The following UBXN2A variants were observed in gnomAD, a reference collection of about 807,000 sequenced individuals.
UBXN2A encodes the protein UBX domain-containing protein 2A.
In UBXN2A, 28 loss-of-function variants were observed where a neutral mutation model predicts 28.4. That is an observed-to-expected ratio of 0.99 (90% CI 0.73 to 1.35). The LOEUF (loss-of-function observed/expected upper bound fraction) is 1.35. Among genes scored for constraint, UBXN2A ranks in the 40% most tolerant of loss-of-function variants. The pLI, the probability that UBXN2A is intolerant of heterozygous loss-of-function variation, is 0.00. For synonymous variants in UBXN2A, 97 were observed against 103.6 expected (o/e 0.94, Z 0.39); for missense variants, 253 against 297.9 (o/e 0.85, Z 1.11).
Position 23,999,934 on chromosome 2 carries a change from T to G in UBXN2A, c.*67T>G, listed in dbSNP as rs1462233068. The G allele has an allele frequency of 7.8e-6, 12 of 1,530,376 alleles. No homozygotes were observed. Among genetic ancestry groups the G allele is most frequent in the Non-Finnish European group, 1.1e-5 (12 of 1,124,546 alleles). The allele number at this position is 1,530,376 out of a possible 1,614,324, so 94.8% of individuals were successfully genotyped here. A position where few individuals can be genotyped will look rare whatever the true frequency, so the allele number is the denominator to read the frequency against. ...TTGTAAGTGGACATGCAAACCAAAA[T>G]TGGGGATTGGAGAAGTCAGACTCAC... On this transcript the variant is annotated 3_prime_UTR_variant, in exon 7 of 7. Transcript: ENST00000309033.
chr2:24,000,084 A>G lies in UBXN2A; in HGVS notation c.*217A>G. 1 of 497,008 alleles carries G rather than the reference A, an allele frequency of 2.0e-6. No individual in the cohort carries two copies. 30.8% of individuals were successfully genotyped at this position (497,008 alleles called of 1,614,324 possible). ...GTGCACTTTCTCCAAAAGACTACCC[A>G]GAAAAATAGACTTATTTTCAAATAC... On this transcript the variant is annotated 3_prime_UTR_variant, in exon 7 of 7. Coordinates refer to ENST00000309033, the MANE Select transcript of UBXN2A (RefSeq NM_181713.4).
intron 1 of UBXN2A, chr2:23,944,356 C>A (rs1236603962): frequency 6.5e-7 from 1 of 1,533,656 alleles, no homozygotes; most frequent in Non-Finnish European, 9.0e-7. Flanking sequence ...GTGTGAAGAA[C>A]TGAGGTGACC....
chr2:23,966,652 C>A (rs1038582190), intron 2 of UBXN2A, among the ~76,000 whole-genome samples: 1 of 149,434 alleles, frequency 6.7e-6, no homozygotes, highest in Non-Finnish European at 1.5e-5. Flanking sequence ...GGGGTTTCAC[C>A]GTGTTAGCCA....
chr2:23,971,403 C>A lies in UBXN2A; in HGVS notation c.169C>A (p.Gln57Lys). The change falls in exon 3 of 7, where the codon CAG becomes AAG. Residue 57 changes from glutamine to lysine, a missense_variant. Physicochemically the swap from Gln to Lys is moderately conservative, Grantham distance 53. Coordinates refer to ENST00000309033, the MANE Select transcript of UBXN2A (RefSeq NM_181713.4). ...VSSKCVSPAEQKKQVDVNIKL... is the reference protein window; with the variant it reads ...VSSKCVSPAEKKKQVDVNIKL... ...TTCCAAATGTGTGTCTCCCGCTGAACAGAAGAAACAGGTAAATAAATGTCT... is the reference window on the plus strand; with the variant it reads ...TTCCAAATGTGTGTCTCCCGCTGAAAAGAAGAAACAGGTAAATAAATGTCT... 1 of 1,540,080 alleles carries A rather than the reference C, an allele frequency of 6.5e-7. No homozygotes were observed. Among genetic ancestry groups the A allele is most frequent in the Admixed American group, 1.8e-5 (1 of 55,660 alleles).
At chr2:23,949,505 G>A (rs2150814315) in intron 1 of UBXN2A, among the ~76,000 whole-genome samples, 1 of 151,984 alleles carries the variant, frequency 6.6e-6, no homozygotes, top group African/African-American at 2.4e-5. Context: ...CCAGGAGGTA[G>A]AGGTTGCACT....
Position 23,930,731 on chromosome 2 carries a change from A to G in UBXN2A, c.-138+3116A>G, listed in dbSNP as rs944701822. Among the ~76,000 whole-genome samples the G allele has an allele frequency of 4.6e-5, 7 of 152,186 alleles. No homozygotes were observed. The South Asian group carries it at 1.2e-3, about 27-fold the overall frequency. On this transcript the variant is annotated intron_variant, in intron 1 of 7. Coordinates refer to the UBXN2A transcript ENST00000404924. ...AAATAAAATTTTAAAAAAGAGAAAG[A>G]AAAAGGGCTGGTTGCAGTGGCTCAT...
chr2:23,973,424 C>T (rs1439120965), intron 3 of UBXN2A, among the ~76,000 whole-genome samples: 5 of 147,006 alleles, frequency 3.4e-5, no homozygotes, highest in Non-Finnish European at 6.0e-5. Flanking sequence ...CTGTAAGCTC[C>T]GCCTCCCAGG....
intron 4 of UBXN2A, among the ~76,000 whole-genome samples, chr2:23,977,872 C>G (rs1035768930): frequency 2.0e-5 from 3 of 152,004 alleles, no homozygotes; most frequent in African/African-American, 7.3e-5. Flanking sequence ...TGCTCTTTTG[C>G]TCAGGCTGGA....
intron 1 of UBXN2A, among the ~76,000 whole-genome samples, chr2:23,928,378 C>T (rs2150776270): frequency 6.6e-6 from 1 of 152,000 alleles, no homozygotes; most frequent in Non-Finnish European, 1.5e-5. Flanking sequence ...GAGTTCGAGA[C>T]CAACCTGGCC....
Position 24,000,413 on chromosome 2 carries a change from G to A in UBXN2A, c.*546G>A, listed in dbSNP as rs112713129. The A allele has an allele frequency of 7.1e-3, 1,081 of 152,368 alleles. 18 individuals are homozygous for A. The highest frequency in any genetic ancestry group is 0.023 in the African/African-American group (962 of 41,500). The allele number at this position is 152,368 out of a possible 1,614,324, so 9.4% of individuals were successfully genotyped here. On this transcript the variant is annotated 3_prime_UTR_variant, in exon 7 of 7. Coordinates refer to ENST00000309033, the MANE Select transcript of UBXN2A (RefSeq NM_181713.4). ...AAAAATTAGCTGGGCGTGGCGGTGC[G>A]CAACTGTAGTCCCAGCTACTCGGGA... is the stretch of plus-strand genomic sequence containing the variant.
intron 6 of UBXN2A, among the ~76,000 whole-genome samples, chr2:23,990,484 C>T (rs966382011): frequency 7.4e-6 from 1 of 134,414 alleles, no homozygotes; most frequent in African/African-American, 2.8e-5. Flanking sequence ...AAAATATTTG[C>T]AGCTGGGCGT....
intron 3 of UBXN2A, among the ~76,000 whole-genome samples, chr2:23,976,428 T>C (rs989553057): frequency 2.0e-5 from 3 of 152,160 alleles, no homozygotes; most frequent in Non-Finnish European, 4.4e-5. Context: ...CCAGTTGTAG[T>C]AGTCCATTTT....
chr2:23,980,666 C>T (rs530374338), intron 4 of UBXN2A, among the ~76,000 whole-genome samples: 22 of 152,062 alleles, frequency 1.4e-4, no homozygotes, highest in Admixed American at 8.5e-4. Flanking sequence ...CTTGCTCTGT[C>T]GGCGAGGCTG....
At chr2:23,947,077 A>G (rs188495030) in intron 1 of UBXN2A, among the ~76,000 whole-genome samples, 40 of 152,254 alleles carry the variant, frequency 2.6e-4, no homozygotes, top group African/African-American at 9.6e-4. Context: ...TAGTAGTGAC[A>G]GGGTCTCACT....
At chr2:23,973,619 C>T (rs570972205) in intron 3 of UBXN2A, among the ~76,000 whole-genome samples, 6 of 150,786 alleles carry the variant, frequency 4.0e-5, no homozygotes, top group South Asian at 2.1e-4. Flanking sequence ...GGATTACAGG[C>T]GTGAGCCACT....
intron 6 of UBXN2A, among the ~76,000 whole-genome samples, chr2:23,990,344 C>G (rs1279164929): frequency 6.6e-6 from 1 of 151,740 alleles, no homozygotes; most frequent in Non-Finnish European, 1.5e-5. Flanking sequence ...CTTTTTTACT[C>G]TGCTTGGGAC....
intron 6 of UBXN2A, among the ~76,000 whole-genome samples, chr2:23,996,292 C>T (rs2150921425): frequency 6.6e-6 from 1 of 151,768 alleles, no homozygotes; most frequent in African/African-American, 2.4e-5. Flanking sequence ...GTCTTGAACT[C>T]CTGAACTCAG....
At position 24,004,849 on chromosome 2, in the gene UBXN2A, T is replaced by G. The variant is rs1216346232; in HGVS notation, c.*4982T>G. 1 of 152,214 alleles carries G rather than the reference T, an allele frequency of 6.6e-6. No homozygotes were observed. Among genetic ancestry groups the G allele is most frequent in the Non-Finnish European group, 1.5e-5 (1 of 68,032 alleles). The allele number at this position is 152,214 out of a possible 1,614,324, so 9.4% of individuals were successfully genotyped here. On this transcript the variant is annotated 3_prime_UTR_variant, in exon 7 of 7. Coordinates refer to ENST00000309033, the MANE Select transcript of UBXN2A (RefSeq NM_181713.4). ...CCTTAAAGTATTTTGAGAGCAATCT[T>G]TTGCTGACAGTTGAAGAACTGTTAA...
At chr2:23,963,320 GC>G (rs912280804) in intron 2 of UBXN2A, among the ~76,000 whole-genome samples, 2 of 151,928 alleles carry the variant, frequency 1.3e-5, no homozygotes, top group African/African-American at 4.8e-5. Context: ...TTCGAGACCA[GC>G]CTGACCAACA....
Sources: allele counts gnomAD v4.1 joint callset (sites outside exome capture counted in the v4.1 genomes callset), GRCh38; gene constraint gnomAD v4.1.1; transcripts MANE v1.5; gene names NCBI Gene and HGNC (gene_info 2026-07-23, HGNC 2026-07-21).